ARL15: variants seen among roughly 807,000 people sequenced by gnomAD.
ARL15 encodes the protein ADP-ribosylation factor-like protein 15.
ARL15 carries 19 observed loss-of-function variants against 25.2 expected under a neutral mutation model. The observed-to-expected ratio is 0.75, with a 90% CI of 0.53 to 1.10. The LOEUF (loss-of-function observed/expected upper bound fraction) is 1.10, where lower values mean the gene tolerates loss of function less well. Ranked by LOEUF, ARL15 falls within the 50% of genes least tolerant of loss-of-function variation. The probability of loss-of-function intolerance (pLI) is 0.00; values close to 1 mark genes in which losing one functional copy is unlikely to be tolerated. For missense variants in ARL15, 220 were observed against 246.0 expected, an observed-to-expected ratio of 0.89 and a Z score of 0.71; for synonymous variants, 94 against 86.8, an observed-to-expected ratio of 1.08 and a Z score of -0.46.
chr5:54,015,177 G>C (rs1318379232), intron 4 of ARL15, among the ~76,000 whole-genome samples: 1 of 151,772 alleles, frequency 6.6e-6, no homozygotes, highest in Admixed American at 6.6e-5. Flanking sequence ...ACCTGTAATA[G>C]CTACTCAGGA....
intron 1 of ARL15, among the ~76,000 whole-genome samples, chr5:54,221,588 G>A (rs190471099): frequency 1.5e-3 from 231 of 150,638 alleles, no homozygotes; most frequent in African/African-American, 5.3e-3. Flanking sequence ...ACATACATCT[G>A]TACATGTACA....
chr5:54,280,453 T>G (rs192372101), intron 1 of ARL15, among the ~76,000 whole-genome samples: 1 of 152,318 alleles, frequency 6.6e-6, no homozygotes, highest in African/African-American at 2.4e-5. Context: ...TTTCTTACAT[T>G]CAAATAAAGG....
chr5:54,007,699 T>C (rs191718216), intron 4 of ARL15, among the ~76,000 whole-genome samples: 26 of 152,288 alleles, frequency 1.7e-4, no homozygotes, highest in African/African-American at 6.3e-4. Flanking sequence ...GAAGGTAGCA[T>C]AGGAGCACAA....
intron 1 of ARL15, among the ~76,000 whole-genome samples, chr5:54,264,165 T>A (rs752331522): frequency 3.3e-5 from 5 of 152,092 alleles, no homozygotes; most frequent in Non-Finnish European, 7.4e-5. Flanking sequence ...CAATACATCC[T>A]CCATTTCACT....
At chr5:53,909,326 C>CT (rs1298251433) in intron 4 of ARL15, among the ~76,000 whole-genome samples, 1 of 152,168 alleles carries the variant, frequency 6.6e-6, no homozygotes, top group Non-Finnish European at 1.5e-5. Context: ...AGATTATTAA[C>CT]TTTTATATAT....
chr5:53,910,636 TATATATATATATATATATATATATATATA>T, intron 4 of ARL15, among the ~76,000 whole-genome samples: 2 of 109,270 alleles, frequency 1.8e-5, no homozygotes, highest in East Asian at 7.6e-4. Flanking sequence ...AAAAAAATTA[TATATATATATATATATATATATATATATA>T]TATATATAAA....
intron 1 of ARL15, among the ~76,000 whole-genome samples, chr5:54,203,401 C>T (rs1005074062): frequency 3.3e-5 from 5 of 152,128 alleles, no homozygotes; most frequent in African/African-American, 7.2e-5. Context: ...CAAAATACTT[C>T]GCAGCATCAC....
chr5:53,979,879 A>C, intron 4 of ARL15, among the ~76,000 whole-genome samples: 1 of 102,334 alleles, frequency 9.8e-6, no homozygotes, highest in African/African-American at 3.7e-5. Context: ...GTGTGTGTGT[A>C]TGTTTCGTAG....
At chr5:54,255,408 A>G (rs1296834342) in intron 1 of ARL15, among the ~76,000 whole-genome samples, 1 of 152,250 alleles carries the variant, frequency 6.6e-6, no homozygotes, top group Non-Finnish European at 1.5e-5. Flanking sequence ...GTAGTAAAAG[A>G]TGCAAATTAA....
intron 4 of ARL15, among the ~76,000 whole-genome samples, chr5:53,928,875 G>A (rs1162823413): frequency 6.6e-6 from 1 of 152,134 alleles, no homozygotes. Context: ...AGAATGAAAT[G>A]ATTTCCTACT....
intron 4 of ARL15, among the ~76,000 whole-genome samples, chr5:53,906,383 C>T (rs772910413): frequency 6.6e-6 from 1 of 152,096 alleles, no homozygotes; most frequent in African/African-American, 2.4e-5. Context: ...CAGGTTCCAG[C>T]ATGACCACTG....
intron 1 of ARL15, among the ~76,000 whole-genome samples, chr5:54,276,410 G>A (rs1007636660): frequency 2.6e-5 from 4 of 152,108 alleles, no homozygotes; most frequent in Non-Finnish European, 4.4e-5. Flanking sequence ...CAAGACTTCC[G>A]ATCTATCTGA....
chr5:54,002,724 C>T (rs1473114806), intron 4 of ARL15, among the ~76,000 whole-genome samples: 2 of 152,160 alleles, frequency 1.3e-5, no homozygotes, highest in Non-Finnish European at 2.9e-5. Context: ...GGACACTGAT[C>T]GCTAACAGAT....
intron 4 of ARL15, among the ~76,000 whole-genome samples, chr5:53,894,442 AAC>A (rs1204427282): frequency 6.6e-6 from 1 of 152,192 alleles, no homozygotes; most frequent in Non-Finnish European, 1.5e-5. Flanking sequence ...GGATCTGAAA[AAC>A]AGTCTTGTTT....
intron 1 of ARL15, among the ~76,000 whole-genome samples, chr5:54,239,848 A>G (rs1442646117): frequency 2.0e-5 from 3 of 152,048 alleles, no homozygotes; most frequent in Non-Finnish European, 4.4e-5. Context: ...GCCCTAGACT[A>G]TTTACCTGCA....
chr5:53,931,998 C>T (rs994002739), intron 4 of ARL15, among the ~76,000 whole-genome samples: 8 of 152,194 alleles, frequency 5.3e-5, no homozygotes, highest in South Asian at 4.1e-4. Flanking sequence ...ACTGGCCTTA[C>T]GCGGCAACTC....
chr5:53,886,804 C>A, intron 4 of ARL15, 91 bp from the exon 5 acceptor site: 2 of 1,250,308 alleles, frequency 1.6e-6, no homozygotes, highest in South Asian at 1.4e-5. Flanking sequence ...AGGGGAATTT[C>A]GAGGCGGAAT....
chr5:54,013,151 T>C (rs2111795245), intron 4 of ARL15, among the ~76,000 whole-genome samples: 1 of 152,354 alleles, frequency 6.6e-6, no homozygotes, highest in East Asian at 1.9e-4. Flanking sequence ...TCTCTATTAG[T>C]TTTGAAAACT....
intron 4 of ARL15, among the ~76,000 whole-genome samples, chr5:53,988,371 G>GA (rs1748368088): frequency 6.6e-6 from 1 of 150,572 alleles, no homozygotes; most frequent in East Asian, 2.0e-4. Context: ...CTTTATAGTT[G>GA]AAAAAAACTA....
Sources: allele counts gnomAD v4.1 joint callset (sites outside exome capture counted in the v4.1 genomes callset), GRCh38; gene constraint gnomAD v4.1.1; transcripts MANE v1.5; gene names NCBI Gene and HGNC (gene_info 2026-07-23, HGNC 2026-07-21).